TMC1: variants seen among roughly 807,000 people sequenced by gnomAD.
TMC1 encodes the protein transmembrane channel-like protein 1.
A neutral mutation model predicts 105.8 loss-of-function variants in TMC1; 84 were observed. The ratio of observed to expected loss-of-function variants is 0.79; its 90% CI spans 0.67 to 0.95. TMC1 has a LOEUF of 0.95. Ranked by LOEUF, TMC1 falls within the 40% of genes least tolerant of loss-of-function variation. The pLI, the probability that TMC1 is intolerant of heterozygous loss-of-function variation, is 0.00. For missense variants in TMC1, 817 were observed against 914.1 expected (o/e 0.89, Z 1.37); for synonymous variants, 315 against 311.5 (o/e 1.01, Z -0.12).
At chr9:72,636,707 C>CAAAAAAAAAAAAAA (rs59553107) in intron 4 of TMC1, among the ~76,000 whole-genome samples, 8 of 83,226 alleles carry the variant, frequency 9.6e-5, no homozygotes, top group Non-Finnish European at 1.6e-4. Context: ...GACTCCATCT[C>CAAAAAAAAAAAAAA]AAAAAAAAAA....
At chr9:72,790,964 G>T (rs1828257065) in intron 15 of TMC1, among the ~76,000 whole-genome samples, 1 of 152,108 alleles carries the variant, frequency 6.6e-6, no homozygotes, top group Non-Finnish European at 1.5e-5. Context: ...AAGTCCACAG[G>T]AGAAAATAGG....
At chr9:72,530,071 A>G (rs1184120224) in intron 1 of TMC1, among the ~76,000 whole-genome samples, 1 of 152,176 alleles carries the variant, frequency 6.6e-6, no homozygotes, top group East Asian at 1.9e-4. Context: ...ATATCATTAT[A>G]GTGTATCTGG....
intron 6 of TMC1, among the ~76,000 whole-genome samples, chr9:72,689,345 A>G (rs1033879081): frequency 6.6e-6 from 1 of 152,150 alleles, no homozygotes; most frequent in Non-Finnish European, 1.5e-5. Flanking sequence ...GTTTTTACAC[A>G]GACAGGGCAG....
chr9:72,606,993 A>AT, intron 2 of TMC1, among the ~76,000 whole-genome samples: 1 of 127,440 alleles, frequency 7.8e-6, no homozygotes, highest in African/African-American at 3.4e-5. Context: ...ATATATATAT[A>AT]TATATATATA....
chr9:72,664,220 T>C (rs2197419), intron 5 of TMC1, among the ~76,000 whole-genome samples: 15,517 of 152,232 alleles, frequency 0.1, 969 homozygotes, highest in African/African-American at 0.16. Context: ...TTATGTACTA[T>C]ACCTAATTGT....
At chr9:72,824,992 T>G (rs1447655345) in intron 20 of TMC1, among the ~76,000 whole-genome samples, 1 of 152,240 alleles carries the variant, frequency 6.6e-6, no homozygotes, top group African/African-American at 2.4e-5. Flanking sequence ...AAGTTAAAAT[T>G]ATATTGTGAG....
At chr9:72,651,052 G>C (rs982463604) in intron 5 of TMC1, 1 of 146,124 alleles carries the variant, frequency 6.8e-6, no homozygotes, top group Non-Finnish European at 1.5e-5. Flanking sequence ...GTATTTCATG[G>C]TGTATTTTAT....
intron 17 of TMC1, among the ~76,000 whole-genome samples, chr9:72,794,915 C>T (rs1293415831): frequency 6.6e-6 from 1 of 152,096 alleles, no homozygotes; most frequent in Admixed American, 6.5e-5. Flanking sequence ...GACAAAGTAG[C>T]TGTTATAAAA....
At chr9:72,543,802 G>C (rs989247908) in intron 1 of TMC1, among the ~76,000 whole-genome samples, 1 of 151,908 alleles carries the variant, frequency 6.6e-6, no homozygotes, top group Non-Finnish European at 1.5e-5. Flanking sequence ...GGGTCTCTCT[G>C]TGTTGCCCAG....
intron 1 of TMC1, among the ~76,000 whole-genome samples, chr9:72,549,286 G>A (rs1823820744): frequency 6.6e-6 from 1 of 152,116 alleles, no homozygotes; most frequent in African/African-American, 2.4e-5. Context: ...GTGTGAGAAT[G>A]GAGTTTCACT....
chr9:72,664,734 A>C (rs1296714012), intron 5 of TMC1, among the ~76,000 whole-genome samples: 1 of 152,062 alleles, frequency 6.6e-6, no homozygotes, highest in Non-Finnish European at 1.5e-5. Flanking sequence ...GCTGAGAGCC[A>C]CCTCCATCAC....
intron 13 of TMC1, among the ~76,000 whole-genome samples, chr9:72,779,985 A>G (rs1564548963): frequency 6.6e-6 from 1 of 152,186 alleles, no homozygotes; most frequent in Admixed American, 6.5e-5. Flanking sequence ...GGTCAATGCA[A>G]AAGAAAAAAT....
chr9:72,791,018 A>C (rs1828258515), intron 15 of TMC1, among the ~76,000 whole-genome samples: 14 of 152,182 alleles, frequency 9.2e-5, no homozygotes, highest in Admixed American at 9.2e-4. Flanking sequence ...TTGGGAAAGG[A>C]GATAGTCACC....
intron 8 of TMC1, among the ~76,000 whole-genome samples, chr9:72,736,586 CCTGAAAGTGAGCA>C (rs1827301075): frequency 6.6e-6 from 1 of 152,054 alleles, no homozygotes; most frequent in Admixed American, 6.6e-5. Flanking sequence ...GTGGAGATGT[CCTGAAAGTGAGCA>C]CTTTATTACA....
At chr9:72,708,095 G>T (rs766049907) in intron 8 of TMC1, among the ~76,000 whole-genome samples, 1 of 152,038 alleles carries the variant, frequency 6.6e-6, no homozygotes, top group Non-Finnish European at 1.5e-5. Flanking sequence ...TTTATTTCTG[G>T]GTTCTCTATT....
Position 72,792,189 on chromosome 9 carries a change from A to G in TMC1, c.1405-2A>G. On this transcript the variant is annotated splice_acceptor_variant, in intron 16 of 23. Coordinates refer to ENST00000297784, the MANE Select transcript of TMC1 (RefSeq NM_138691.3). LOFTEE classifies it high-confidence loss of function. ...TTTAGTTTCTATCTCTTTGCTTTCTAGATTGAAGAGGAGAAGCTAGTAAAG... is the reference window on the plus strand; with the variant it reads ...TTTAGTTTCTATCTCTTTGCTTTCTGGATTGAAGAGGAGAAGCTAGTAAAG... 2 of 1,614,128 alleles carry G rather than the reference A, an allele frequency of 1.2e-6. No homozygotes were observed. The highest frequency in any genetic ancestry group is 1.7e-6 in the Non-Finnish European group (2 of 1,180,018).
intron 2 of TMC1, among the ~76,000 whole-genome samples, chr9:72,594,093 C>T (rs944672813): frequency 2.0e-5 from 3 of 152,176 alleles, no homozygotes; most frequent in Non-Finnish European, 2.9e-5. Flanking sequence ...GGATCTTCAC[C>T]TGGGTCTAAG....
intron 8 of TMC1, among the ~76,000 whole-genome samples, chr9:72,704,914 G>C (rs1826709027): frequency 6.6e-6 from 1 of 152,186 alleles, no homozygotes; most frequent in African/African-American, 2.4e-5. Context: ...CAGCTCTACA[G>C]ATGATTTATA....
At chr9:72,603,835 A>T (rs906315692) in intron 2 of TMC1, among the ~76,000 whole-genome samples, 2 of 139,430 alleles carry the variant, frequency 1.4e-5, no homozygotes, top group African/African-American at 5.4e-5. Context: ...GGTGTGAGCC[A>T]CTGCGACCGG....
Sources: allele counts gnomAD v4.1 joint callset (sites outside exome capture counted in the v4.1 genomes callset), GRCh38; gene constraint gnomAD v4.1.1; transcripts MANE v1.5; gene names NCBI Gene and HGNC (gene_info 2026-07-23, HGNC 2026-07-21).